Variants in AR observed in about 807,000 individuals in gnomAD.
AR encodes the protein dihydrotestosterone receptor.
Under a neutral mutation model 53.9 loss-of-function variants are expected in AR, and 8 were observed. The observed-to-expected ratio is 0.15, with a 90% CI of 0.09 to 0.27. The LOEUF is 0.27. Among genes scored for constraint, AR ranks in the 10% least tolerant of loss-of-function variants. The probability of loss-of-function intolerance (pLI) is 1.00; values close to 1 mark genes in which losing one functional copy is unlikely to be tolerated. For synonymous variants in AR, 359 were observed against 316.4 expected (o/e 1.13, Z -1.43); for missense variants, 639 against 742.5 (o/e 0.86, Z 1.62).
At position 67,680,510 on chromosome X, in the gene AR, C is replaced by A. The variant is rs543883902; in HGVS notation, c.1769-5500C>A. 3.1e-4 allele frequency among the ~76,000 whole-genome samples: 35 copies of A among 111,978 alleles called. No homozygotes were observed. In the South Asian group the frequency reaches 0.01, roughly 32 times the overall value. ...GTACAACTTTGCATTTAATTCAGTTCTTTCCTTAAATACCACCATGAAGTT... is the reference window on the plus strand; with the variant it reads ...GTACAACTTTGCATTTAATTCAGTTATTTCCTTAAATACCACCATGAAGTT... On this transcript the variant is annotated intron_variant, in intron 2 of 7. Transcript: ENST00000374690.
chrX:67,656,183 G>A (rs1926580653), intron 2 of AR, among the ~76,000 whole-genome samples: 1 of 111,600 alleles, frequency 9.0e-6, no homozygotes, highest in African/African-American at 3.3e-5. Context: ...AGGGCTGGAG[G>A]TGAGTAGTTT....
chrX:67,648,031 C>T (rs1375061983), intron 2 of AR, among the ~76,000 whole-genome samples: 1 of 112,007 alleles, frequency 8.9e-6, no homozygotes, highest in Admixed American at 9.5e-5. Context: ...GTTTGTTGAC[C>T]TGTGCTTTAG....
intron 1 of AR, among the ~76,000 whole-genome samples, chrX:67,624,711 A>C (rs1924536167): frequency 9.1e-6 from 1 of 109,716 alleles, no homozygotes; most frequent in Non-Finnish European, 1.9e-5. Flanking sequence ...GTAAATTAAC[A>C]TTCAAAAACC....
rs150847689 is a variant in AR at position 67,694,620 on chromosome X, T to C, written c.1885+8494T>C. The C allele has an allele frequency of 1.8e-4, 212 of 1,149,943 alleles. 1 individual carries two copies. In the African/African-American group the frequency reaches 3.7e-3, roughly 20 times the overall value. 94.8% of individuals were successfully genotyped at this position (1,149,943 alleles called of 1,213,427 possible). A position where few individuals can be genotyped will look rare whatever the true frequency, so the allele number is the denominator to read the frequency against. On this transcript the variant is annotated intron_variant, in intron 3 of 7. Transcript: ENST00000374690. ...GCATCTGATTATGGAGCCTGCTAGA[T>C]ACAAGCCCGTATTTAGACTGCTACA...
intron 2 of AR, among the ~76,000 whole-genome samples, chrX:67,643,773 A>G (rs1197715760): frequency 8.9e-6 from 1 of 112,061 alleles, no homozygotes; most frequent in Non-Finnish European, 1.9e-5. Context: ...TTAGAAGTGG[A>G]GAAACCCCAA....
rs2147317082 is a variant in AR at position 67,545,704 on chromosome X, C to A, written c.558C>A (p.Ser186Arg). The A allele has an allele frequency of 8.3e-7, 1 of 1,209,284 alleles. No homozygotes were observed. Among genetic ancestry groups the A allele is most frequent in the Non-Finnish European group, 1.1e-6 (1 of 894,259 alleles). The change falls in exon 1 of 8, where the codon AGC becomes AGA. Residue 186 changes from serine (S) to arginine (R), a missense_variant. Physicochemically the swap from Ser to Arg is moderately radical, Grantham distance 110. Around this residue, in one of 5 missense-constraint regions of AR, gnomAD observed 423 missense variants for 377.0 expected, o/e 1.12. Transcript: ENST00000374690. ...SCSADLKDILSEASTMQLLQQ... is the reference protein window; with the variant it reads ...SCSADLKDILREASTMQLLQQ... ...CCGCTGACCTTAAAGACATCCTGAG[C>A]GAGGCCAGCACCATGCAACTCCTTC... is the stretch of plus-strand genomic sequence containing the variant.
At position 67,723,312 on chromosome X, in the gene AR, C is replaced by CTCTGTGTGTGTGTGTGTGTGTGTG. The variant is rs1555997940; in HGVS notation, c.2607+329_2607+330insCTGTGTGTGTGTGTGTGTGTGTGT. 4.4e-4 allele frequency among the ~76,000 whole-genome samples: 34 copies of CTCTGTGTGTGTGTGTGTGTGTGTG among 78,020 alleles called. 2 individuals carry two copies. Among genetic ancestry groups the CTCTGTGTGTGTGTGTGTGTGTGTG allele is most frequent in the African/African-American group, 1.7e-3 (31 of 18,399 alleles). 67.8% of individuals were successfully genotyped at this position (78,020 alleles called of 115,157 possible). A position where few individuals can be genotyped will look rare whatever the true frequency, so the allele number is the denominator to read the frequency against. On this transcript the variant is annotated intron_variant, in intron 7 of 7. Transcript: ENST00000374690. ...GTCATGTTCATGTGAGTTTGTCTGT[C>CTCTGTGTGTGTGTGTGTGTGTGTG]TGTGTGTGTGTGTGTGTGTGTGTGT...
intron 1 of AR, among the ~76,000 whole-genome samples, chrX:67,641,201 C>T (rs1043717273): frequency 1.5e-4 from 17 of 111,721 alleles, no homozygotes; most frequent in Non-Finnish European, 2.6e-4. Flanking sequence ...TTAATAGATG[C>T]GTGATCTTGA....
intron 1 of AR, among the ~76,000 whole-genome samples, chrX:67,619,985 T>C (rs192728598): frequency 3.2e-4 from 35 of 110,810 alleles, no homozygotes; most frequent in Non-Finnish European, 3.8e-4. Context: ...CAGGGTAAGC[T>C]CTGTTCTTGG....
At chrX:67,558,999 T>C (rs917072485) in intron 1 of AR, among the ~76,000 whole-genome samples, 20 of 112,128 alleles carry the variant, frequency 1.8e-4, no homozygotes, top group Non-Finnish European at 5.6e-5. Context: ...CCACAACTTA[T>C]GTTATTTTCC....
At chrX:67,676,100 A>G (rs930872678) in intron 2 of AR, among the ~76,000 whole-genome samples, 1 of 112,372 alleles carries the variant, frequency 8.9e-6, no homozygotes, top group African/African-American at 3.2e-5. Flanking sequence ...AAAATATCAC[A>G]TGAGTATTAT....
intron 1 of AR, among the ~76,000 whole-genome samples, chrX:67,630,541 A>G (rs1336840078): frequency 9.1e-6 from 1 of 110,393 alleles, no homozygotes; most frequent in African/African-American, 3.3e-5. Flanking sequence ...GTCTCTGCAT[A>G]TGAGATGGGT....
intron 1 of AR, among the ~76,000 whole-genome samples, chrX:67,611,613 T>G (rs1370866165): frequency 8.9e-6 from 1 of 111,976 alleles, no homozygotes; most frequent in African/African-American, 3.2e-5. Flanking sequence ...GAGATCATGC[T>G]TCAAAGGTCT....
chrX:67,582,603 A>G (rs1922344527), intron 1 of AR, among the ~76,000 whole-genome samples: 1 of 111,623 alleles, frequency 9.0e-6, no homozygotes, highest in African/African-American at 3.3e-5. Context: ...TTTGTGGTCT[A>G]TTACACGAAA....
intron 1 of AR, among the ~76,000 whole-genome samples, chrX:67,642,344 A>G (rs756430442): frequency 9.8e-5 from 11 of 111,759 alleles, no homozygotes; most frequent in Non-Finnish European, 1.9e-4. Flanking sequence ...TTTTTACTAT[A>G]GGAGACTGAG....
At chrX:67,665,467 A>C (rs987658085) in intron 2 of AR, among the ~76,000 whole-genome samples, 1 of 112,260 alleles carries the variant, frequency 8.9e-6, no homozygotes, top group African/African-American at 3.2e-5. Context: ...GGAATCTCAG[A>C]AAAAAACAAT....
chrX:67,649,196 A>G (rs1333831340), intron 2 of AR, among the ~76,000 whole-genome samples: 3 of 112,257 alleles, frequency 2.7e-5, no homozygotes, highest in Admixed American at 1.9e-4. Context: ...CCTGCAAAGG[A>G]CATGAACTCA....
chrX:67,675,398 G>T (rs1169902045), intron 2 of AR, among the ~76,000 whole-genome samples: 1 of 111,247 alleles, frequency 9.0e-6, no homozygotes, highest in Admixed American at 9.6e-5. Context: ...GGCTTACACT[G>T]CCTTTCAAGT....
chrX:67,643,187 C>T (rs2147435370), intron 1 of AR, 69 bp from the exon 2 acceptor site: 6 of 1,159,605 alleles, frequency 5.2e-6, no homozygotes, highest in Non-Finnish European at 7.1e-6. Flanking sequence ...TGCTGAAGAC[C>T]TGAGACTTCA....
Sources: allele counts gnomAD v4.1 joint callset (sites outside exome capture counted in the v4.1 genomes callset), GRCh38; gene constraint gnomAD v4.1.1; regional missense constraint gnomAD v4.1.1; transcripts MANE v1.5; gene names NCBI Gene and HGNC (gene_info 2026-07-23, HGNC 2026-07-21).